CNBD1: variants seen among roughly 807,000 people sequenced by gnomAD.
CNBD1 encodes the protein cyclic nucleotide-binding domain-containing protein 1.
CNBD1 carries 71 observed loss-of-function variants against 54.4 expected under a neutral mutation model. The ratio of observed to expected loss-of-function variants is 1.30; its 90% confidence interval spans 1.08 to 1.59. The LOEUF (loss-of-function observed/expected upper bound fraction) is 1.59, where lower values mean the gene tolerates loss of function less well. Among genes scored for constraint, CNBD1 ranks in the 40% most tolerant of loss-of-function variants. The pLI is 0.00. For synonymous variants in CNBD1, 182 were observed against 170.7 expected, an observed-to-expected ratio of 1.07 and a Z score of -0.51; for missense variants, 659 against 518.0, an observed-to-expected ratio of 1.27 and a Z score of -2.64.
chr8:87,342,697 C>G (rs1810091684), intron 8 of CNBD1, among the ~76,000 whole-genome samples: 1 of 151,900 alleles, frequency 6.6e-6, no homozygotes, highest in Non-Finnish European at 1.5e-5. Context: ...CCTCGAGCTA[C>G]AAAATCAGCA....
intron 4 of CNBD1, among the ~76,000 whole-genome samples, chr8:87,056,830 G>A (rs1483041561): frequency 6.6e-6 from 1 of 151,926 alleles, no homozygotes; most frequent in South Asian, 2.1e-4. Flanking sequence ...ACAACTAGAA[G>A]ACTTAATTTA....
At position 87,024,358 on chromosome 8, in the gene CNBD1, G is replaced by C. The variant is rs903993811; in HGVS notation, c.431+84604G>C. On this transcript the variant is annotated intron_variant, in intron 4 of 10. Transcript: ENST00000518476. ...TTATAATTTATTTTATTTATCTTTTGAGAGGGAGTCTCACTGTGTCTCCCA... is the reference window on the plus strand; with the variant it reads ...TTATAATTTATTTTATTTATCTTTTCAGAGGGAGTCTCACTGTGTCTCCCA... 2.7e-5 allele frequency among the ~76,000 whole-genome samples: 4 copies of C among 147,768 alleles called. No individual in the cohort carries two copies. The South Asian group carries it at 8.7e-4, about 32-fold the overall frequency.
intron 6 of CNBD1, among the ~76,000 whole-genome samples, chr8:87,254,901 A>T (rs933263064): frequency 6.6e-6 from 1 of 152,220 alleles, no homozygotes; most frequent in Non-Finnish European, 1.5e-5. Flanking sequence ...TTGCTAAATT[A>T]AAAAGAAAGT....
At chr8:87,285,296 TAAC>T (rs938468580) in intron 7 of CNBD1, among the ~76,000 whole-genome samples, 6 of 152,212 alleles carry the variant, frequency 3.9e-5, no homozygotes, top group African/African-American at 1.2e-4. Context: ...GAATAAGTGA[TAAC>T]AACTTATTCT....
At chr8:86,879,921 G>T (rs764387011) in intron 1 of CNBD1, among the ~76,000 whole-genome samples, 2 of 151,754 alleles carry the variant, frequency 1.3e-5, no homozygotes, top group Non-Finnish European at 2.9e-5. Context: ...GAACTTAGAG[G>T]GTGGTGTTCA....
chr8:86,900,730 T>G (rs57996411), intron 2 of CNBD1, among the ~76,000 whole-genome samples: 1,652 of 152,278 alleles, frequency 0.011, 40 homozygotes, highest in African/African-American at 0.037. Context: ...GACTTCAGTT[T>G]TATATGCAAA....
chr8:86,874,985 T>TC (rs1563806889), intron 1 of CNBD1, among the ~76,000 whole-genome samples: 4 of 82,284 alleles, frequency 4.9e-5, no homozygotes, highest in Non-Finnish European at 7.0e-5. Context: ...TGTAAATCAA[T>TC]TTATATATAT....
chr8:87,304,120 G>T (rs1051126930), intron 8 of CNBD1, among the ~76,000 whole-genome samples: 3 of 151,960 alleles, frequency 2.0e-5, no homozygotes, highest in African/African-American at 7.3e-5. Context: ...ATTTGACCCA[G>T]CCATCCCATT....
At chr8:87,011,715 A>G (rs897055337) in intron 4 of CNBD1, among the ~76,000 whole-genome samples, 1 of 152,162 alleles carries the variant, frequency 6.6e-6, no homozygotes, top group Non-Finnish European at 1.5e-5. Context: ...CTTCTTTTCT[A>G]CTTTAGGAGT....
intron 5 of CNBD1, among the ~76,000 whole-genome samples, chr8:87,210,023 C>A (rs1283332625): frequency 6.6e-6 from 1 of 152,112 alleles, no homozygotes; most frequent in Non-Finnish European, 1.5e-5. Context: ...GTGCTCTTCC[C>A]ACTTTACTTG....
At position 87,254,484 on chromosome 8, in the gene CNBD1, C is replaced by T. The variant is rs1006107709; in HGVS notation, c.771+17372C>T. On this transcript the variant is annotated intron_variant, in intron 6 of 10. Transcript: ENST00000518476. ...TATTATTTCTTTGGATGGCCCAACA[C>T]ATCCAAGTGGTATCAACTGCTCTTC... Among the ~76,000 whole-genome samples, 3 of 152,320 alleles carry T rather than the reference C, an allele frequency of 2.0e-5. No homozygotes were observed. In the East Asian group the frequency reaches 5.8e-4, roughly 29 times the overall value.
intron 10 of CNBD1, among the ~76,000 whole-genome samples, chr8:87,356,919 T>C (rs1810431132): frequency 6.6e-6 from 1 of 152,104 alleles, no homozygotes; most frequent in African/African-American, 2.4e-5. Context: ...CTGAGGATAC[T>C]GCTGCCCTAT....
intron 5 of CNBD1, among the ~76,000 whole-genome samples, chr8:87,224,142 C>A (rs1022137075): frequency 5.9e-5 from 9 of 151,636 alleles, no homozygotes; most frequent in African/African-American, 1.9e-4. Flanking sequence ...CTGGATATTA[C>A]CCCTTTGTCA....
chr8:87,317,248 C>G (rs1221481500), intron 8 of CNBD1, among the ~76,000 whole-genome samples: 1 of 151,488 alleles, frequency 6.6e-6, no homozygotes, highest in Non-Finnish European at 1.5e-5. Context: ...GTTTAATTCA[C>G]TCTTATAGTA....
At chr8:87,202,200 TTAAAA>T (rs67751033) in intron 4 of CNBD1, among the ~76,000 whole-genome samples, 70,039 of 151,418 alleles carry the variant, frequency 0.46, 17,413 homozygotes, top group Non-Finnish European at 0.56. Context: ...TAACATCAGT[TTAAAA>T]TATGTTAACA....
chr8:87,050,037 A>G (rs936445997), intron 4 of CNBD1, among the ~76,000 whole-genome samples: 2 of 152,218 alleles, frequency 1.3e-5, no homozygotes, highest in African/African-American at 4.8e-5. Context: ...ACTAAGGGCC[A>G]GTGCTTTAAG....
intron 8 of CNBD1, among the ~76,000 whole-genome samples, chr8:87,332,711 G>T (rs1452880482): frequency 6.6e-6 from 1 of 151,980 alleles, no homozygotes; most frequent in Non-Finnish European, 1.5e-5. Context: ...TATTTCTGAG[G>T]TCTCTATTAT....
chr8:86,947,237 G>C (rs190494206), intron 4 of CNBD1, among the ~76,000 whole-genome samples: 1 of 152,226 alleles, frequency 6.6e-6, no homozygotes, highest in East Asian at 1.9e-4. Context: ...TGGTGGTTTA[G>C]TTGGTTTAAT....
intron 10 of CNBD1, among the ~76,000 whole-genome samples, chr8:87,369,358 A>T (rs1810711344): frequency 6.6e-6 from 1 of 151,932 alleles, no homozygotes; most frequent in Non-Finnish European, 1.5e-5. Context: ...GTTCCAGTGT[A>T]TATTTATATT....
Sources: allele counts gnomAD v4.1 joint callset (sites outside exome capture counted in the v4.1 genomes callset), GRCh38; gene constraint gnomAD v4.1.1; transcripts MANE v1.5; gene names NCBI Gene and HGNC (gene_info 2026-07-23, HGNC 2026-07-21).